MEF2A: variants seen among roughly 807,000 people sequenced by gnomAD.
The protein encoded by MEF2A is myocyte enhancer factor 2A.
A neutral mutation model predicts 55.8 loss-of-function variants in MEF2A; 28 were observed. That is an observed-to-expected ratio of 0.50 (90% confidence interval 0.37 to 0.69). The LOEUF (loss-of-function observed/expected upper bound fraction) is 0.69. MEF2A is among the 30% of genes least tolerant of loss of function. The pLI, the probability that MEF2A is intolerant of heterozygous loss-of-function variation, is 0.00. For missense variants in MEF2A, 528 were observed against 626.2 expected, an observed-to-expected ratio of 0.84 and a Z score of 1.67; for synonymous variants, 239 against 227.1, an observed-to-expected ratio of 1.05 and a Z score of -0.47.
chr15:99,622,308 T>G (rs541722040), intron 2 of MEF2A, among the ~76,000 whole-genome samples: 1 of 152,322 alleles, frequency 6.6e-6, no homozygotes, highest in South Asian at 2.1e-4. Context: ...GAGATTCTTT[T>G]TTCCCTCCTA....
chr15:99,585,751 A>G (rs1285412666), intron 1 of MEF2A, among the ~76,000 whole-genome samples: 3 of 152,246 alleles, frequency 2.0e-5, no homozygotes, highest in Non-Finnish European at 4.4e-5. Flanking sequence ...TACACCATTT[A>G]TAGATGAGGA....
intron 7 of MEF2A, among the ~76,000 whole-genome samples, chr15:99,677,127 T>A (rs2052274093): frequency 6.7e-6 from 1 of 150,364 alleles, no homozygotes; most frequent in Non-Finnish European, 1.5e-5. Flanking sequence ...GTCTCAAAAA[T>A]AAATAAATAA....
chr15:99,661,167 A>G (rs2048560193), intron 4 of MEF2A, among the ~76,000 whole-genome samples: 1 of 152,222 alleles, frequency 6.6e-6, no homozygotes, highest in Non-Finnish European at 1.5e-5. Flanking sequence ...TTGGGTATCC[A>G]TGTAGAAAAC....
At chr15:99,587,958 A>G (rs1489082293) in intron 1 of MEF2A, among the ~76,000 whole-genome samples, 1 of 152,160 alleles carries the variant, frequency 6.6e-6, no homozygotes, top group African/African-American at 2.4e-5. Flanking sequence ...CTTCAGTAAA[A>G]TAGCAATTAA....
At chr15:99,588,226 C>T (rs184152269) in intron 1 of MEF2A, among the ~76,000 whole-genome samples, 5 of 152,262 alleles carry the variant, frequency 3.3e-5, no homozygotes, top group African/African-American at 1.2e-4. Flanking sequence ...AAGCAATCCT[C>T]CTGCCTCAGC....
chr15:99,645,832 G>A, intron 4 of MEF2A, 68 bp downstream of exon 4: 1 of 1,120,928 alleles, frequency 8.9e-7, no homozygotes, highest in Admixed American at 2.5e-5. Flanking sequence ...AGCATTAACT[G>A]TCAGAATGAC....
intron 11 of MEF2A, among the ~76,000 whole-genome samples, chr15:99,711,599 G>A (rs1041798536): frequency 2.0e-5 from 3 of 152,266 alleles, no homozygotes; most frequent in Admixed American, 6.5e-5. Flanking sequence ...CCTGTGCTCT[G>A]GGCAGTAGGA....
chr15:99,706,876 T>TC (rs757442980), intron 10 of MEF2A, 21 bp downstream of exon 10: 3 of 1,609,536 alleles, frequency 1.9e-6, no homozygotes, highest in Non-Finnish European at 2.5e-6. Context: ...TCTGGTGCCT[T>TC]CCGTAGGTTT....
At chr15:99,617,839 T>C (rs958910740) in intron 2 of MEF2A, among the ~76,000 whole-genome samples, 5 of 152,250 alleles carry the variant, frequency 3.3e-5, no homozygotes, top group African/African-American at 1.2e-4. Context: ...AGTCATAGGC[T>C]TCTTTGCTCT....
intron 8 of MEF2A, among the ~76,000 whole-genome samples, chr15:99,698,455 C>G (rs551896450): frequency 1.1e-4 from 16 of 152,044 alleles, no homozygotes; most frequent in Non-Finnish European, 1.8e-4. Context: ...AAATTAAAAC[C>G]TAATGAGATA....
At chr15:99,579,534 A>G (rs2152831754) in intron 1 of MEF2A, among the ~76,000 whole-genome samples, 1 of 152,154 alleles carries the variant, frequency 6.6e-6, no homozygotes, top group South Asian at 2.1e-4. Context: ...AGCTGGGATT[A>G]CAGGCACGTG....
Position 99,712,584 on chromosome 15 carries a change from C to G in MEF2A, c.1331C>G (p.Pro444Arg). The G allele has an allele frequency of 6.4e-7, 1 of 1,551,662 alleles. No homozygotes were observed. ...QPQPQPPQPQ[P>R]RQEMGRSPVD... ...CAGCCACAACCCCCGCAGCCCCAGCCCCGACAGGAAATGGGGCGCTCCCCT... is the reference window on the plus strand; with the variant it reads ...CAGCCACAACCCCCGCAGCCCCAGCGCCGACAGGAAATGGGGCGCTCCCCT... Residue 444 changes from proline (P) to arginine (R), a missense_variant, in exon 12 of 12, where the codon CCC (proline) becomes CGC (arginine). Physicochemically the swap from Pro to Arg is moderately radical, Grantham distance 103 (BLOSUM62 -2). This residue lies in a region of MEF2A where 450 missense variants were observed against 475.3 expected (regional missense o/e 0.95). Coordinates refer to ENST00000557942, the MANE Select transcript of MEF2A (RefSeq NM_001319206.4). The surrounding 1 kb of genome is among the most constrained non-coding windows in gnomAD (Gnocchi z 4.1).
chr15:99,581,928 A>G (rs1422062808), intron 1 of MEF2A, among the ~76,000 whole-genome samples: 1 of 152,122 alleles, frequency 6.6e-6, no homozygotes, highest in Non-Finnish European at 1.5e-5. Flanking sequence ...GAGCCAAAAC[A>G]GAAAAAGAAG....
chr15:99,571,177 C>G (rs1009722248), intron 1 of MEF2A, among the ~76,000 whole-genome samples: 12 of 150,768 alleles, frequency 8.0e-5, no homozygotes, highest in African/African-American at 2.9e-4. Context: ...GAATGAGACT[C>G]CATCTCCAAA....
intron 4 of MEF2A, among the ~76,000 whole-genome samples, chr15:99,667,515 G>A (rs1282552664): frequency 1.3e-5 from 2 of 152,072 alleles, no homozygotes; most frequent in Non-Finnish European, 2.9e-5. Flanking sequence ...CAGCCACCGC[G>A]CCCGGCCGTA....
chr15:99,665,730 A>C (rs4482263), intron 4 of MEF2A, among the ~76,000 whole-genome samples: 2 of 139,516 alleles, frequency 1.4e-5, no homozygotes, highest in African/African-American at 2.7e-5. Flanking sequence ...ACTTAAATTT[A>C]CAAAAAAAAA....
In MEF2A at chr15:99,698,258, G is replaced by C. The variant is rs981203687; in HGVS notation, c.859-5104G>C. Among the ~76,000 whole-genome samples the C allele has an allele frequency of 2.0e-5, 3 of 152,060 alleles. No homozygotes were observed. In the East Asian group the frequency reaches 5.8e-4, roughly 29 times the overall value. On this transcript the variant is annotated intron_variant, in intron 8 of 11. Transcript: ENST00000557942. Reference sequence around the variant, plus strand: ...AGGACAACCTACAGATTAGAAGAAGGTATTTGCAAGTCACATATCCAATAA... The same window carrying C: ...AGGACAACCTACAGATTAGAAGAAGCTATTTGCAAGTCACATATCCAATAA...
intron 4 of MEF2A, among the ~76,000 whole-genome samples, chr15:99,669,272 A>G (rs969453737): frequency 6.6e-6 from 1 of 152,240 alleles, no homozygotes; most frequent in African/African-American, 2.4e-5. Flanking sequence ...GGGAAATATC[A>G]GAGATTTAGG....
At chr15:99,594,991 A>G (rs1036395981) in intron 1 of MEF2A, among the ~76,000 whole-genome samples, 4 of 152,148 alleles carry the variant, frequency 2.6e-5, no homozygotes, top group South Asian at 2.1e-4. Context: ...TCTTGAATCT[A>G]TTGCTATAGT....
Sources: allele counts gnomAD v4.1 joint callset (sites outside exome capture counted in the v4.1 genomes callset), GRCh38; gene constraint gnomAD v4.1.1; regional missense constraint gnomAD v4.1.1; non-coding constraint Gnocchi (gnomAD v3.1); transcripts MANE v1.5; gene names NCBI Gene and HGNC (gene_info 2026-07-23, HGNC 2026-07-21).